RAB3C: variants seen among roughly 807,000 people sequenced by gnomAD.
RAB3C encodes RAB3C, member RAS oncogene family.
Under a neutral mutation model 26.4 loss-of-function variants are expected in RAB3C, and 17 were observed. The ratio of observed to expected loss-of-function variants is 0.64; its 90% confidence interval spans 0.44 to 0.97. The LOEUF (loss-of-function observed/expected upper bound fraction) is 0.97. Among genes scored for constraint, RAB3C ranks in the 50% least tolerant of loss-of-function variants. RAB3C has a pLI of 0.00. For synonymous variants in RAB3C, 91 were observed against 95.9 expected (o/e 0.95, Z 0.30); for missense variants, 242 against 281.9 (o/e 0.86, Z 1.01).
At chr5:58,730,170 C>T (rs1439169056) in intron 3 of RAB3C, among the ~76,000 whole-genome samples, 1 of 151,752 alleles carries the variant, frequency 6.6e-6, no homozygotes, top group African/African-American at 2.4e-5. Context: ...TAAGTTCCTA[C>T]TACATTAGAA....
intron 4 of RAB3C, among the ~76,000 whole-genome samples, chr5:58,848,060 T>C (rs796954290): frequency 1.6e-4 from 24 of 152,292 alleles, no homozygotes; most frequent in African/African-American, 5.3e-4. Flanking sequence ...TTTCGCCATG[T>C]TGGCCAGGCT....
chr5:58,640,072 G>A (rs1337688262), intron 2 of RAB3C, among the ~76,000 whole-genome samples: 1 of 152,256 alleles, frequency 6.6e-6, no homozygotes, highest in East Asian at 1.9e-4. Context: ...ATATAAAAGT[G>A]CAGTCATGCT....
chr5:58,853,683 G>A lies in RAB3C; in HGVS notation c.*2332G>A, dbSNP rs1407749514. 6.6e-6 allele frequency: 1 copy of A among 152,110 alleles called. No homozygotes were observed. The highest frequency in any genetic ancestry group is 6.6e-5 in the Admixed American group (1 of 15,258). The allele number at this position is 152,110 out of a possible 1,614,324, so 9.4% of individuals were successfully genotyped here. Reference sequence around the variant, plus strand: ...TTTTATGCCAGTCAGGGGAGAGACAGGCAACAATAGCCCAAATGTCATTGC... The same window carrying A: ...TTTTATGCCAGTCAGGGGAGAGACAAGCAACAATAGCCCAAATGTCATTGC... On this transcript the variant is annotated 3_prime_UTR_variant, in exon 5 of 5. Coordinates refer to ENST00000282878, the MANE Select transcript of RAB3C (RefSeq NM_138453.4).
intron 3 of RAB3C, among the ~76,000 whole-genome samples, chr5:58,758,851 T>C (rs1405538290): frequency 6.6e-6 from 1 of 152,084 alleles, no homozygotes; most frequent in Non-Finnish European, 1.5e-5. Flanking sequence ...TAAATGTTCC[T>C]TGGACTTTTT....
intron 2 of RAB3C, among the ~76,000 whole-genome samples, chr5:58,620,717 G>T (rs896566463): frequency 6.6e-6 from 1 of 152,196 alleles, no homozygotes; most frequent in Non-Finnish European, 1.5e-5. Context: ...GCTAAGAGGG[G>T]ATTCCAAGCT....
chr5:58,789,252 C>T (rs750218998), intron 3 of RAB3C, among the ~76,000 whole-genome samples: 17 of 152,124 alleles, frequency 1.1e-4, no homozygotes, highest in Non-Finnish European at 2.4e-4. Context: ...CTTCTCACAA[C>T]ATTAACCAAG....
intron 1 of RAB3C, among the ~76,000 whole-genome samples, chr5:58,596,702 T>TAA (rs1561259964): frequency 4.0e-5 from 1 of 25,214 alleles, no homozygotes; most frequent in African/African-American, 1.3e-4. Context: ...CATAATATAT[T>TAA]ATATATAAAT....
chr5:58,792,778 TGTG>T (rs1742558378), intron 3 of RAB3C, among the ~76,000 whole-genome samples: 2 of 152,172 alleles, frequency 1.3e-5, no homozygotes, highest in Non-Finnish European at 2.9e-5. Context: ...TTTGTGTGTG[TGTG>T]TGTATGTGTA....
intron 3 of RAB3C, among the ~76,000 whole-genome samples, chr5:58,773,326 A>G (rs1742063849): frequency 6.6e-6 from 1 of 152,166 alleles, no homozygotes; most frequent in South Asian, 2.1e-4. Context: ...CCCTATTAGT[A>G]AAAGCATGTT....
chr5:58,635,915 A>C (rs1747281190), intron 2 of RAB3C, among the ~76,000 whole-genome samples: 1 of 152,212 alleles, frequency 6.6e-6, no homozygotes, highest in African/African-American at 2.4e-5. Context: ...CTGGTTACTA[A>C]TTTATACCTG....
intron 2 of RAB3C, among the ~76,000 whole-genome samples, chr5:58,639,105 GTCTTCCC>G (rs1747354574): frequency 6.6e-6 from 1 of 152,210 alleles, no homozygotes; most frequent in African/African-American, 2.4e-5. Flanking sequence ...AAGTTATTGA[GTCTTCCC>G]TCTTTCGAAT....
intron 2 of RAB3C, among the ~76,000 whole-genome samples, chr5:58,625,606 C>T (rs1579823834): frequency 6.6e-6 from 1 of 152,216 alleles, no homozygotes; most frequent in East Asian, 1.9e-4. Flanking sequence ...TGCCTGTAAT[C>T]CCAGCACTTT....
rs1469718347 is a variant in RAB3C, at chr5:58,854,620, T to G, written c.*3269T>G. On this transcript the variant is annotated 3_prime_UTR_variant, in exon 5 of 5. Coordinates refer to ENST00000282878, the MANE Select transcript of RAB3C (RefSeq NM_138453.4). ...AACAGCTCCAACTGCCTTGATGAAC[T>G]TCTAATGACTGTGAAAGCTAGGAGG... 1 of 152,202 alleles carries G rather than the reference T, an allele frequency of 6.6e-6. No homozygotes were observed. The highest frequency in any genetic ancestry group is 2.4e-5 in the African/African-American group (1 of 41,444). 9.4% of individuals were successfully genotyped at this position (152,202 alleles called of 1,614,324 possible).
intron 4 of RAB3C, among the ~76,000 whole-genome samples, chr5:58,844,311 A>G (rs926278618): frequency 3.3e-5 from 5 of 152,172 alleles, no homozygotes; most frequent in African/African-American, 9.7e-5. Flanking sequence ...AAGTAGGAAA[A>G]TGCTACCATC....
intron 4 of RAB3C, chr5:58,846,758 G>A (rs1480680796): frequency 6.6e-6 from 1 of 151,948 alleles, no homozygotes; most frequent in Non-Finnish European, 1.5e-5. Context: ...TTTGTCACTA[G>A]AGTGTAGTCT....
intron 2 of RAB3C, among the ~76,000 whole-genome samples, chr5:58,705,815 T>C (rs1748931717): frequency 6.6e-6 from 1 of 152,166 alleles, no homozygotes; most frequent in Non-Finnish European, 1.5e-5. Context: ...ATTTAACTTG[T>C]TTCTGGAAAT....
chr5:58,810,094 C>G (rs188006480), intron 3 of RAB3C, among the ~76,000 whole-genome samples: 2 of 152,240 alleles, frequency 1.3e-5, no homozygotes, highest in Middle Eastern at 3.4e-3. Context: ...GAGCTGTTGC[C>G]CCTCCTAGAG....
chr5:58,632,731 T>A (rs1747210770), intron 2 of RAB3C, among the ~76,000 whole-genome samples: 1 of 152,204 alleles, frequency 6.6e-6, no homozygotes, highest in African/African-American at 2.4e-5. Context: ...TCTGACATAC[T>A]GTATTTGACA....
At chr5:58,643,203 A>G (rs550791835) in intron 2 of RAB3C, among the ~76,000 whole-genome samples, 9 of 152,360 alleles carry the variant, frequency 5.9e-5, no homozygotes, top group South Asian at 2.1e-4. Context: ...GGCTGAGCAT[A>G]CTAGCAGATA....
Sources: allele counts gnomAD v4.1 joint callset (sites outside exome capture counted in the v4.1 genomes callset), GRCh38; gene constraint gnomAD v4.1.1; transcripts MANE v1.5; gene names NCBI Gene and HGNC (gene_info 2026-07-23, HGNC 2026-07-21).